FCHSD2: variants seen among roughly 807,000 people sequenced by gnomAD.
The protein encoded by FCHSD2 is FCH and double SH3 domains 2.
A neutral mutation model predicts 108.1 loss-of-function variants in FCHSD2; 38 were observed. The ratio of observed to expected loss-of-function variants is 0.35; its 90% CI spans 0.27 to 0.46. The LOEUF (loss-of-function observed/expected upper bound fraction) is 0.46. Ranked by LOEUF, FCHSD2 falls within the 20% of genes least tolerant of loss-of-function variation. FCHSD2 has a pLI of 1.00. For synonymous variants in FCHSD2, 279 were observed against 314.7 expected, an observed-to-expected ratio of 0.89 and a Z score of 1.20; for missense variants, 751 against 897.8, an observed-to-expected ratio of 0.84 and a Z score of 2.09.
chr11:72,965,859 C>A (rs1856897329), intron 8 of FCHSD2, among the ~76,000 whole-genome samples: 1 of 152,180 alleles, frequency 6.6e-6, no homozygotes, highest in South Asian at 2.1e-4. Flanking sequence ...AGGATTAATC[C>A]ATGCTGTGTG....
chr11:72,945,344 A>C (rs1158228173), intron 8 of FCHSD2, among the ~76,000 whole-genome samples: 1 of 152,250 alleles, frequency 6.6e-6, no homozygotes, highest in Non-Finnish European at 1.5e-5. Context: ...CTGGCTAGCC[A>C]TATGTAGAAA....
chr11:72,957,085 A>C (rs1856727265), intron 8 of FCHSD2, among the ~76,000 whole-genome samples: 2 of 149,084 alleles, frequency 1.3e-5, no homozygotes, highest in East Asian at 4.0e-4. Context: ...CACATTGTGC[A>C]GGTTAATTAC....
At chr11:73,100,851 C>T (rs917314503) in intron 2 of FCHSD2, among the ~76,000 whole-genome samples, 1 of 149,868 alleles carries the variant, frequency 6.7e-6, no homozygotes, top group Non-Finnish European at 1.5e-5. Context: ...TTTTTAGATG[C>T]TTCTACGTGG....
intron 12 of FCHSD2, among the ~76,000 whole-genome samples, chr11:72,881,850 T>C (rs1172450252): frequency 1.3e-5 from 2 of 151,904 alleles, no homozygotes; most frequent in Non-Finnish European, 2.9e-5. Context: ...AAGTAGAGAG[T>C]AGAGGCTGGG....
intron 2 of FCHSD2, among the ~76,000 whole-genome samples, chr11:73,123,968 G>T (rs1224057529): frequency 6.6e-6 from 1 of 152,208 alleles, no homozygotes; most frequent in Non-Finnish European, 1.5e-5. Flanking sequence ...TGTATAAGGT[G>T]TAAGAAAGGG....
At chr11:73,003,555 C>T (rs1330035403) in intron 4 of FCHSD2, among the ~76,000 whole-genome samples, 1 of 147,384 alleles carries the variant, frequency 6.8e-6, no homozygotes, top group Non-Finnish European at 1.5e-5. Flanking sequence ...GGCGGGATCT[C>T]GGCTCACTGC....
chr11:73,059,094 A>G (rs1219863339), intron 3 of FCHSD2, among the ~76,000 whole-genome samples: 4 of 152,210 alleles, frequency 2.6e-5, no homozygotes, highest in African/African-American at 9.6e-5. Context: ...ATAAATGTAA[A>G]CAAGAAAATG....
In FCHSD2 at chr11:72,918,001, A is replaced by G. The variant is rs181481128; in HGVS notation, c.828+3827T>C. 1.6e-3 allele frequency among the ~76,000 whole-genome samples: 239 copies of G among 152,312 alleles called. 4 individuals carry two copies. The highest frequency in any genetic ancestry group is 4.4e-4 in the Non-Finnish European group (30 of 68,022). On this transcript the variant is annotated intron_variant, in intron 9 of 19. Transcript: ENST00000409418. ...GTAGATCACTTTGGGGAATATTACA[A>G]TATTAGCAACATGAAATCTCCCAAT...
intron 8 of FCHSD2, among the ~76,000 whole-genome samples, chr11:72,977,977 AG>A (rs1565350837): frequency 6.6e-6 from 1 of 152,260 alleles, no homozygotes; most frequent in East Asian, 1.9e-4. Context: ...AATACTATGC[AG>A]TCATAAAAAA....
chr11:72,962,601 C>CTT (rs10688506), intron 8 of FCHSD2, among the ~76,000 whole-genome samples: 3,088 of 147,902 alleles, frequency 0.021, 70 homozygotes, highest in African/African-American at 0.055. Context: ...TAAATTCCCC[C>CTT]TTTTTTTTTT....
intron 3 of FCHSD2, among the ~76,000 whole-genome samples, chr11:73,031,465 T>C (rs1338256590): frequency 6.6e-6 from 1 of 151,712 alleles, no homozygotes; most frequent in Non-Finnish European, 1.5e-5. Context: ...AACAAGACCC[T>C]GTCTCCGAAA....
intron 12 of FCHSD2, among the ~76,000 whole-genome samples, chr11:72,872,773 T>C (rs1406258221): frequency 6.6e-6 from 1 of 152,232 alleles, no homozygotes; most frequent in Non-Finnish European, 1.5e-5. Context: ...TAAATTTTAG[T>C]GTGGACATGT....
chr11:72,944,528 T>C (rs1468437346), intron 8 of FCHSD2, among the ~76,000 whole-genome samples: 4 of 152,106 alleles, frequency 2.6e-5, no homozygotes, highest in Non-Finnish European at 4.4e-5. Flanking sequence ...CTATTCAACA[T>C]AGTGTTGGAA....
intron 8 of FCHSD2, among the ~76,000 whole-genome samples, chr11:72,927,472 T>C (rs1365009519): frequency 6.6e-6 from 1 of 152,108 alleles, no homozygotes; most frequent in Non-Finnish European, 1.5e-5. Context: ...GTGGGAGGAA[T>C]TGTATGTAGG....
At chr11:72,960,701 A>G (rs1856804255) in intron 8 of FCHSD2, among the ~76,000 whole-genome samples, 1 of 152,228 alleles carries the variant, frequency 6.6e-6, no homozygotes. Flanking sequence ...TAGCCACCAG[A>G]AAGTTCTCTC....
chr11:72,924,317 G>A lies in FCHSD2; in HGVS notation c.706-2367C>T, dbSNP rs572443912. Among the ~76,000 whole-genome samples, 6 of 151,908 alleles carry A rather than the reference G, an allele frequency of 3.9e-5. No homozygotes were observed. In the South Asian group the frequency reaches 6.3e-4, roughly 16 times the overall value. On this transcript the variant is annotated intron_variant, in intron 8 of 19. Transcript: ENST00000409418. ...TTTTGAGACAGAGTCTTGCTCTATT[G>A]CCCAGGCTGGAGTGCAGTGGCATGA...
At chr11:72,848,128 A>G (rs1484477900) in intron 14 of FCHSD2, among the ~76,000 whole-genome samples, 1 of 152,224 alleles carries the variant, frequency 6.6e-6, no homozygotes, top group Non-Finnish European at 1.5e-5. Context: ...GAATATCTAT[A>G]CCATGACCAG....
intron 2 of FCHSD2, among the ~76,000 whole-genome samples, chr11:73,104,623 C>T (rs549075748): frequency 6.6e-6 from 1 of 152,204 alleles, no homozygotes; most frequent in African/African-American, 2.4e-5. Flanking sequence ...GGCTGGAGTG[C>T]AGTACCGCAA....
chr11:72,843,189 G>C lies in FCHSD2; in HGVS notation c.1667C>G (p.Ala556Gly). Reference sequence around the variant, plus strand: ...GTTGAGGCTGCCTGAAACGAGTTCTGCTTCCGTGGAATTGCTGGACGTGTG... The same window carrying C: ...GTTGAGGCTGCCTGAAACGAGTTCTCCTTCCGTGGAATTGCTGGACGTGTG... ...RSHTSSNSTE[A>G]ELVSGSLNGD... The change falls in exon 16 of 20, where the codon GCA (alanine) becomes GGA (glycine). Residue 556 changes from alanine to glycine, a missense_variant. Ala to Gly is a moderately conservative substitution (Grantham distance 60, BLOSUM62 0). Transcript: ENST00000409418. The C allele has an allele frequency of 1.2e-6, 2 of 1,613,982 alleles. No homozygotes were observed. The highest frequency in any genetic ancestry group is 1.7e-6 in the Non-Finnish European group (2 of 1,179,902).
Sources: allele counts gnomAD v4.1 joint callset (sites outside exome capture counted in the v4.1 genomes callset), GRCh38; gene constraint gnomAD v4.1.1; transcripts MANE v1.5; gene names NCBI Gene and HGNC (gene_info 2026-07-23, HGNC 2026-07-21).